The following IL1RAPL1 variants were observed in gnomAD, a reference collection of about 807,000 sequenced individuals.
The protein encoded by IL1RAPL1 is interleukin 1 receptor accessory protein like 1, also known as interleukin-1 receptor accessory protein-like 1.
In IL1RAPL1, 3 loss-of-function variants were observed where a neutral mutation model predicts 48.4. The observed-to-expected ratio is 0.06, with a 90% CI of 0.03 to 0.16. IL1RAPL1 has a LOEUF of 0.16. IL1RAPL1 is among the 10% of genes least tolerant of loss of function. The pLI, the probability that IL1RAPL1 is intolerant of heterozygous loss-of-function variation, is 1.00. For missense variants in IL1RAPL1, 349 were observed against 530.6 expected, an observed-to-expected ratio of 0.66 and a Z score of 3.36; for synonymous variants, 185 against 187.7, an observed-to-expected ratio of 0.99 and a Z score of 0.12.
intron 2 of IL1RAPL1, among the ~76,000 whole-genome samples, chrX:28,893,039 A>AAGCAGTGTAAACC (rs1922814525): frequency 2.7e-5 from 3 of 110,585 alleles, no homozygotes; most frequent in Non-Finnish European, 5.7e-5. Flanking sequence ...TGTCTTGGAG[A>AAGCAGTGTAAACC]AGCAGTGTAA....
intron 5 of IL1RAPL1, among the ~76,000 whole-genome samples, chrX:29,416,106 A>G (rs776509028): frequency 1.3e-4 from 15 of 111,777 alleles, no homozygotes; most frequent in Non-Finnish European, 5.6e-5. Flanking sequence ...GGGGTCTCAG[A>G]TTTGTTTTTC....
chrX:28,907,380 T>A (rs1267793280), intron 2 of IL1RAPL1, among the ~76,000 whole-genome samples: 6 of 111,643 alleles, frequency 5.4e-5, no homozygotes, highest in Non-Finnish European at 9.4e-5. Flanking sequence ...TCAGCCTCCC[T>A]AGCAGCTGAG....
chrX:29,025,426 A>G (rs747952875), intron 2 of IL1RAPL1, among the ~76,000 whole-genome samples: 111 of 111,745 alleles, frequency 9.9e-4, no homozygotes, highest in South Asian at 1.9e-3. Context: ...ATGTTTGTAC[A>G]CTGCTGCCAG....
intron 2 of IL1RAPL1, among the ~76,000 whole-genome samples, chrX:29,151,591 T>G (rs1021029911): frequency 9.8e-5 from 11 of 111,767 alleles, no homozygotes; most frequent in Admixed American, 4.8e-4. Flanking sequence ...AGGTGTGTTA[T>G]CAAGAAAGTT....
chrX:29,753,371 A>G (rs933496659), intron 6 of IL1RAPL1, among the ~76,000 whole-genome samples: 3 of 111,672 alleles, frequency 2.7e-5, no homozygotes, highest in Non-Finnish European at 5.7e-5. Context: ...ACACTCACCC[A>G]ACATTTAATG....
intron 2 of IL1RAPL1, among the ~76,000 whole-genome samples, chrX:29,221,687 T>C (rs1930982790): frequency 1.9e-5 from 2 of 106,525 alleles, no homozygotes; most frequent in Non-Finnish European, 3.9e-5. Context: ...GACAGACTTC[T>C]CCAGCTCTCT....
chrX:28,644,278 T>C (rs1934582584), intron 1 of IL1RAPL1, among the ~76,000 whole-genome samples: 1 of 111,717 alleles, frequency 9.0e-6, no homozygotes, highest in South Asian at 3.7e-4. Flanking sequence ...TGTTTGAAGT[T>C]ACAGATCTTA....
At chrX:29,831,526 TAGACATGAATC>T (rs768106892) in intron 6 of IL1RAPL1, among the ~76,000 whole-genome samples, 3 of 111,881 alleles carry the variant, frequency 2.7e-5, no homozygotes, top group Non-Finnish European at 5.6e-5. Context: ...ACTGGGGAAA[TAGACATGAATC>T]AGACTATAAG....
chrX:29,426,581 C>T (rs1052603324), intron 5 of IL1RAPL1, among the ~76,000 whole-genome samples: 7 of 111,517 alleles, frequency 6.3e-5, no homozygotes, highest in African/African-American at 1.6e-4. Context: ...TTTAACTACC[C>T]GTTGACTTAG....
chrX:29,907,175 GATGCT>G (rs748046359), intron 6 of IL1RAPL1, among the ~76,000 whole-genome samples: 2 of 110,817 alleles, frequency 1.8e-5, no homozygotes, highest in East Asian at 2.8e-4. Context: ...GTCCATTCTA[GATGCT>G]ATGCTAAGTG....
chrX:29,588,104 T>C (rs1405433101), intron 5 of IL1RAPL1, among the ~76,000 whole-genome samples: 1 of 112,699 alleles, frequency 8.9e-6, no homozygotes, highest in African/African-American at 3.2e-5. Flanking sequence ...TAAATTGTTC[T>C]TGAGAACCCT....
rs146038961 is a variant in IL1RAPL1, at chrX:28,737,046, C to CCTTTTCTTTT, written c.-24-52242_-24-52233dup. ...AGGGGCTGCTCAGCCCTGAATATTTCCTTTTCTTTTCTTTTCTTTTCTTTT... is the reference window on the plus strand; with the variant it reads ...AGGGGCTGCTCAGCCCTGAATATTTCCTTTTCTTTTCTTTTCTTTTCTTTTCTTTTCTTTT... On this transcript the variant is annotated intron_variant, in intron 1 of 10. Coordinates refer to ENST00000378993, the MANE Select transcript of IL1RAPL1 (RefSeq NM_014271.4). Among the ~76,000 whole-genome samples the CCTTTTCTTTT allele has an allele frequency of 1.4e-3, 134 of 94,333 alleles. 3 individuals carry two copies. The highest frequency in any genetic ancestry group is 3.7e-3 in the South Asian group (7 of 1,909). 81.9% of individuals were successfully genotyped at this position (94,333 alleles called of 115,157 possible).
chrX:28,814,341 TTGTGTGTGTGTGTGTGTG>T (rs753090480), intron 2 of IL1RAPL1, among the ~76,000 whole-genome samples: 9 of 89,746 alleles, frequency 1.0e-4, no homozygotes, highest in South Asian at 6.0e-4. Flanking sequence ...ATTTTCAGGT[TTGTGTGTGTGTGTGTGTG>T]TGTGTGTGTG....
At chrX:29,536,811 G>A (rs1277785651) in intron 5 of IL1RAPL1, among the ~76,000 whole-genome samples, 1 of 109,301 alleles carries the variant, frequency 9.1e-6, no homozygotes, top group Non-Finnish European at 1.9e-5. Flanking sequence ...GAGTAGGTGG[G>A]TAGGTGTTAG....
chrX:29,477,382 G>C (rs1292264845), intron 5 of IL1RAPL1, among the ~76,000 whole-genome samples: 2 of 111,849 alleles, frequency 1.8e-5, no homozygotes, highest in African/African-American at 6.5e-5. Flanking sequence ...ATACAATTCA[G>C]AAGACAAGAA....
chrX:29,143,655 A>G (rs1929289411), intron 2 of IL1RAPL1, among the ~76,000 whole-genome samples: 1 of 112,140 alleles, frequency 8.9e-6, no homozygotes, highest in African/African-American at 3.2e-5. Context: ...GTATCGCATG[A>G]CAGTAATCCT....
chrX:29,525,711 C>T (rs565664323), intron 5 of IL1RAPL1, among the ~76,000 whole-genome samples: 1 of 111,713 alleles, frequency 9.0e-6, no homozygotes, highest in Admixed American at 9.5e-5. Flanking sequence ...GGAATATTAA[C>T]GTGGAACAGA....
chrX:29,307,429 TTAA>T (rs1932641770), intron 3 of IL1RAPL1, among the ~76,000 whole-genome samples: 1 of 111,493 alleles, frequency 9.0e-6, no homozygotes, highest in Non-Finnish European at 1.9e-5. Context: ...TAAAAACAGC[TTAA>T]TAAATTTAAA....
intron 1 of IL1RAPL1, among the ~76,000 whole-genome samples, chrX:28,774,629 A>G (rs773700446): frequency 1.3e-3 from 146 of 112,057 alleles, no homozygotes; most frequent in African/African-American, 4.6e-3. Flanking sequence ...AAGGTGGGCC[A>G]GTGTTTTATA....
Sources: allele counts gnomAD v4.1 joint callset (sites outside exome capture counted in the v4.1 genomes callset), GRCh38; gene constraint gnomAD v4.1.1; transcripts MANE v1.5; gene names NCBI Gene and HGNC (gene_info 2026-07-23, HGNC 2026-07-21).